Variants in GJB7 observed in about 807,000 individuals in gnomAD.
GJB7 encodes gap junction protein beta 7.
For synonymous variants in GJB7, 87 were observed against 95.2 expected, an observed-to-expected ratio of 0.91 and a Z score of 0.50; for missense variants, 253 against 256.8, an observed-to-expected ratio of 0.99 and a Z score of 0.10.
chr6:87,320,506 G>C (rs1344382835), intron 2 of GJB7, among the ~76,000 whole-genome samples: 4 of 152,182 alleles, frequency 2.6e-5, no homozygotes, highest in African/African-American at 9.7e-5. Context: ...AATCAATTTA[G>C]AGGTTTATTT....
intron 2 of GJB7, among the ~76,000 whole-genome samples, chr6:87,297,290 C>T (rs900910469): frequency 6.6e-6 from 1 of 152,170 alleles, no homozygotes; most frequent in African/African-American, 2.4e-5. Context: ...ATACTACCTC[C>T]CACTGTGCTG....
intron 1 of GJB7, among the ~76,000 whole-genome samples, chr6:87,325,302 T>C: frequency 6.9e-6 from 1 of 145,638 alleles, no homozygotes; most frequent in African/African-American, 2.6e-5. Flanking sequence ...TCCAACACTA[T>C]GTTGAATAGG....
At chr6:87,296,424 C>T (rs1776250475) in intron 2 of GJB7, among the ~76,000 whole-genome samples, 1 of 152,062 alleles carries the variant, frequency 6.6e-6, no homozygotes, top group Non-Finnish European at 1.5e-5. Context: ...TAAATGTACC[C>T]TGTAGATTAA....
In GJB7 at chr6:87,320,952, C is replaced by T. The variant is rs575089381; in HGVS notation, c.-28+1914G>A. ...CCTAGTAAGGGGCCAGGCACAGTGG[C>T]TCACGCCTGTAATCCCAGCACTTTG... On this transcript the variant is annotated intron_variant, in intron 2 of 2. Coordinates refer to ENST00000525899, the MANE Select transcript of GJB7 (RefSeq NM_198568.3). Among the ~76,000 whole-genome samples the T allele has an allele frequency of 7.2e-5, 11 of 152,274 alleles. No homozygotes were observed. The East Asian group carries it at 1.7e-3, about 24-fold the overall frequency.
chr6:87,302,208 C>T (rs1314786730), intron 2 of GJB7, among the ~76,000 whole-genome samples: 2 of 152,146 alleles, frequency 1.3e-5, no homozygotes, highest in Non-Finnish European at 2.9e-5. Context: ...GAGAAGAAGG[C>T]TTCAGACGAT....
At chr6:87,315,328 T>G (rs527357193) in intron 2 of GJB7, among the ~76,000 whole-genome samples, 6 of 152,130 alleles carry the variant, frequency 3.9e-5, no homozygotes, top group Non-Finnish European at 8.8e-5. Flanking sequence ...CCAAAGCAAT[T>G]TGTCCTGAAA....
intron 2 of GJB7, among the ~76,000 whole-genome samples, chr6:87,291,327 T>TA (rs1776169773): frequency 1.3e-5 from 2 of 152,264 alleles, no homozygotes; most frequent in South Asian, 2.1e-4. Flanking sequence ...AAAAATAATA[T>TA]AAAAAACACT....
intron 1 of GJB7, among the ~76,000 whole-genome samples, chr6:87,326,428 G>C (rs139049205): frequency 0.11 from 17,340 of 151,762 alleles, 1,018 homozygotes; most frequent in East Asian, 0.13. Context: ...CCCTCTACAT[G>C]CTGCTTTGAA....
intron 2 of GJB7, among the ~76,000 whole-genome samples, chr6:87,316,151 C>T (rs1389960862): frequency 1.3e-5 from 2 of 152,116 alleles, no homozygotes; most frequent in African/African-American, 4.8e-5. Flanking sequence ...TATACATGAG[C>T]TGATGCGCAG....
At chr6:87,305,290 C>T (rs1776406160) in intron 2 of GJB7, among the ~76,000 whole-genome samples, 1 of 151,830 alleles carries the variant, frequency 6.6e-6, no homozygotes, top group Admixed American at 6.6e-5. Flanking sequence ...TTGTCTCAGC[C>T]CAAAATCTCC....
rs778968909 is a variant in GJB7 at position 87,284,726 on chromosome 6, C to T, written c.187G>A (p.Val63Met). ...CNSRQPGCKN[V>M]CFDDFFPISQ... ...ATGGGGAAGAAGTCATCAAAACACACATTTTTGCAACCGGGCTGTCTACTG... is the reference window on the plus strand; with the variant it reads ...ATGGGGAAGAAGTCATCAAAACACATATTTTTGCAACCGGGCTGTCTACTG... Residue 63 changes from valine to methionine, a missense_variant, in exon 3 of 3, where the codon GTG becomes ATG. By Grantham distance (21) the Val-to-Met change is conservative (BLOSUM62 1). Coordinates refer to ENST00000525899, the MANE Select transcript of GJB7 (RefSeq NM_198568.3). 6 of 1,614,018 alleles carry T rather than the reference C, an allele frequency of 3.7e-6. No individual in the cohort carries two copies. The highest frequency in any genetic ancestry group is 1.3e-5 in the African/African-American group (1 of 74,906).
intron 2 of GJB7, among the ~76,000 whole-genome samples, chr6:87,292,279 T>C (rs1050332893): frequency 7.2e-5 from 11 of 152,234 alleles, no homozygotes; most frequent in African/African-American, 2.4e-4. Context: ...GTGTTTCATC[T>C]CTTTAAATGA....
intron 1 of GJB7, among the ~76,000 whole-genome samples, chr6:87,324,374 G>A (rs1776763519): frequency 6.6e-6 from 1 of 151,972 alleles, no homozygotes; most frequent in African/African-American, 2.4e-5. Context: ...TAATGCTTAG[G>A]TTTTCTTCTA....
chr6:87,300,627 T>C (rs1199312926), intron 2 of GJB7, among the ~76,000 whole-genome samples: 3 of 152,248 alleles, frequency 2.0e-5, no homozygotes, highest in African/African-American at 7.2e-5. Flanking sequence ...ACTGCTGCCA[T>C]TGTCCATGCC....
chr6:87,302,123 C>A (rs1252819101), intron 2 of GJB7, among the ~76,000 whole-genome samples: 8 of 152,226 alleles, frequency 5.3e-5, no homozygotes, highest in Admixed American at 3.3e-4. Flanking sequence ...CAGAGCACCT[C>A]TCCCCCTCCA....
chr6:87,317,200 C>A (rs141110173), intron 2 of GJB7, among the ~76,000 whole-genome samples: 310 of 136,894 alleles, frequency 2.3e-3, no homozygotes, highest in Non-Finnish European at 2.7e-3. Flanking sequence ...ACTAAAAATA[C>A]AAAAAAAAAA....
At chr6:87,304,690 C>T (rs1178079864) in intron 2 of GJB7, among the ~76,000 whole-genome samples, 1 of 152,206 alleles carries the variant, frequency 6.6e-6, no homozygotes, top group Non-Finnish European at 1.5e-5. Flanking sequence ...CCAGCCCCAT[C>T]CTGATACCAA....
At chr6:87,307,813 T>A (rs1255590284) in intron 2 of GJB7, among the ~76,000 whole-genome samples, 1 of 152,180 alleles carries the variant, frequency 6.6e-6, no homozygotes, top group African/African-American at 2.4e-5. Flanking sequence ...TGGAAGACAG[T>A]GTGGCGATTC....
At position 87,325,035 on chromosome 6, in the gene GJB7, G is replaced by T. The variant is rs887240868; in HGVS notation, c.-205-1992C>A. On this transcript the variant is annotated intron_variant, in intron 1 of 2. Coordinates refer to ENST00000525899, the MANE Select transcript of GJB7 (RefSeq NM_198568.3). ...GTATTTTATTCTCTTTGAAGCAATT[G>T]TGAATGGGAGTTCACTCATGATTTG... Among the ~76,000 whole-genome samples the T allele has an allele frequency of 1.2e-3, 185 of 152,142 alleles. 1 individual carries two copies. Among genetic ancestry groups the T allele is most frequent in the Admixed American group, 2.2e-3 (33 of 15,282 alleles).
Sources: gnomAD v4.1 joint callset for allele counts (sites outside exome capture counted in the v4.1 genomes callset) on GRCh38, gnomAD v4.1.1 for gene constraint, MANE v1.5 for transcripts, NCBI Gene and HGNC (gene_info 2026-07-23, HGNC 2026-07-21) for gene names.